STK11IP: variants seen among roughly 807,000 people sequenced by gnomAD.
STK11IP encodes serine/threonine kinase 11 interacting protein, also known as serine/threonine-protein kinase 11-interacting protein.
In STK11IP, 103 loss-of-function variants were observed where a neutral mutation model predicts 131.7. That is an observed-to-expected ratio of 0.78 (90% confidence interval 0.67 to 0.92). The LOEUF is 0.92. STK11IP is among the 40% of genes least tolerant of loss of function. STK11IP has a pLI of 0.00. For missense variants in STK11IP, 1,315 were observed against 1,385.7 expected, an observed-to-expected ratio of 0.95 and a Z score of 0.81; for synonymous variants, 557 against 575.6, an observed-to-expected ratio of 0.97 and a Z score of 0.46.
rs1346901490 is a variant in STK11IP at position 219,615,136 on chromosome 2, C to T, written c.2912C>T (p.Thr971Ile). The stretch of plus-strand genomic sequence containing the variant: ...GTATCCCTGTTGCTGACTCCGTCCA[C>T]CCTGTTCCTGTTAGATGAGGATGCT... ...CLVSLLLTPS[T>I]LFLLDEDAAG... Residue 971 changes from threonine to isoleucine, a missense_variant, in exon 24 of 25, where the codon ACC (threonine) becomes ATC (isoleucine). Physicochemically the swap from Thr to Ile is moderately conservative, Grantham distance 89. Transcript: ENST00000456909. The T allele has an allele frequency of 3.1e-6, 5 of 1,609,038 alleles. No individual in the cohort carries two copies. Among genetic ancestry groups the T allele is most frequent in the Non-Finnish European group, 4.2e-6 (5 of 1,178,992 alleles).
At chr2:219,607,193 T>A (rs1698199369) in intron 13 of STK11IP, 56 bp downstream of exon 13, 1 of 1,548,794 alleles carries the variant, frequency 6.5e-7, no homozygotes, top group East Asian at 2.3e-5. Flanking sequence ...CACTCTAATT[T>A]TTAAGTTACA....
chr2:219,600,929 T>C (rs1697964136), intron 2 of STK11IP, among the ~76,000 whole-genome samples: 1 of 152,218 alleles, frequency 6.6e-6, no homozygotes, highest in African/African-American at 2.4e-5. Context: ...CCAAGCTGGC[T>C]GTATTTCCAG....
intron 2 of STK11IP, among the ~76,000 whole-genome samples, chr2:219,599,590 G>A (rs980004995): frequency 6.6e-6 from 1 of 152,198 alleles, no homozygotes; most frequent in African/African-American, 2.4e-5. Context: ...TGAATGGTGG[G>A]TGTGTGAATG....
Position 219,597,862 on chromosome 2 carries a change from CT to C in STK11IP, c.-85del, listed in dbSNP as rs557134712. 1.3e-4 allele frequency: 207 copies of C among 1,594,134 alleles called. 8 individuals are homozygous for C. The South Asian group carries it at 1.9e-3, about 15-fold the overall frequency. On this transcript the variant is annotated 5_prime_UTR_variant, in exon 1 of 25. Transcript: ENST00000456909. ...CGATTTTCTTCCGGGGCGGGACTTCCTTTCCATCATTGATAGGCGCCGGGCA... is the reference window on the plus strand; with the variant it reads ...CGATTTTCTTCCGGGGCGGGACTTCCTTCCATCATTGATAGGCGCCGGGCA...
chr2:219,615,992 A>C, intron 24 of STK11IP, 52 bp from the exon 25 acceptor site: 3 of 1,599,002 alleles, frequency 1.9e-6, no homozygotes, highest in Non-Finnish European at 2.6e-6. Flanking sequence ...CCTTGTACCC[A>C]CCCTGGTGTG....
chr2:219,614,559 T>C lies in STK11IP; in HGVS notation c.2869+13T>C. Reference sequence around the variant, plus strand: ...TTCCTGGTTGAAGGTGAAGCCTCTGTGCAGCTGATGCTTCCCTGGTCTCTG... The same window carrying C: ...TTCCTGGTTGAAGGTGAAGCCTCTGCGCAGCTGATGCTTCCCTGGTCTCTG... On this transcript the variant is annotated intron_variant, in intron 23 of 24. Coordinates refer to ENST00000456909, the MANE Select transcript of STK11IP (RefSeq NM_052902.4). The C allele has an allele frequency of 3.1e-6, 5 of 1,613,410 alleles. No homozygotes were observed. The highest frequency in any genetic ancestry group is 4.2e-6 in the Non-Finnish European group (5 of 1,179,534).
intron 17 of STK11IP, among the ~76,000 whole-genome samples, chr2:219,611,094 C>A (rs1173302889): frequency 2.0e-5 from 3 of 152,146 alleles, no homozygotes; most frequent in East Asian, 3.9e-4. Context: ...AAGATAGATG[C>A]TATTGTCATC....
intron 2 of STK11IP, among the ~76,000 whole-genome samples, 183 bp from the exon 3 acceptor site, chr2:219,601,052 T>C (rs138676280): frequency 6.6e-6 from 1 of 152,220 alleles, no homozygotes; most frequent in African/African-American, 2.4e-5. Flanking sequence ...GTTAGGACTT[T>C]TTTTGAAGAT....
chr2:219,612,202 C>T (rs568006935), intron 19 of STK11IP, 144 bp downstream of exon 19: 3 of 712,104 alleles, frequency 4.2e-6, no homozygotes, highest in East Asian at 5.5e-5. Flanking sequence ...GCTGTGTGGC[C>T]GTGGACACAT....
At position 219,601,447 on chromosome 2, in the gene STK11IP, GGT is replaced by G; in HGVS notation, c.267+11_267+12del. ...GAAAACACTTTCACTCAAGGTTCTG[GGT>G]GTGGGGAAGAGGCAGGATGTGCAAG... On this transcript the variant is annotated splice_region_variant and intron_variant, in intron 3 of 24. Coordinates refer to ENST00000456909, the MANE Select transcript of STK11IP (RefSeq NM_052902.4). 2 of 1,613,940 alleles carry G rather than the reference GGT, an allele frequency of 1.2e-6. No individual in the cohort carries two copies. Among genetic ancestry groups the G allele is most frequent in the Non-Finnish European group, 1.7e-6 (2 of 1,179,856 alleles).
Position 219,614,960 on chromosome 2 carries a change from C to T in STK11IP, c.2870-134C>T, listed in dbSNP as rs1574634207. On this transcript the variant is annotated intron_variant, in intron 23 of 24. Coordinates refer to ENST00000456909, the MANE Select transcript of STK11IP (RefSeq NM_052902.4). ...CTTGGGAAAGGGAGGGTCTTGGCCC[C>T]AGGGGCACAGGCTGCTTTGTGACCC... is the stretch of plus-strand genomic sequence containing the variant. 6.3e-6 allele frequency: 7 copies of T among 1,112,690 alleles called. No homozygotes were observed. In the East Asian group the frequency reaches 1.8e-4, roughly 29 times the overall value. The allele number at this position is 1,112,690 out of a possible 1,614,324, so 68.9% of individuals were successfully genotyped here. A position where few individuals can be genotyped will look rare whatever the true frequency, so the allele number is the denominator to read the frequency against.
chr2:219,601,847 A>G, intron 4 of STK11IP, 132 bp downstream of exon 4: 1 of 1,242,998 alleles, frequency 8.0e-7, no homozygotes, highest in Middle Eastern at 2.0e-4. Flanking sequence ...GTCATGTGAT[A>G]TCCACTGTCT....
chr2:219,602,100 G>T lies in STK11IP; in HGVS notation c.438+17G>T. 6.4e-7 allele frequency: 1 copy of T among 1,567,044 alleles called. No individual in the cohort carries two copies. The highest frequency in any genetic ancestry group is 8.7e-7 in the Non-Finnish European group (1 of 1,149,274). ...GCATTAGAGGTAAGGAGAGTGAGGG[G>T]TGAGCTCAGACACCTCAACTTGAGA... On this transcript the variant is annotated intron_variant, in intron 5 of 24. Transcript: ENST00000456909.
intron 7 of STK11IP, among the ~76,000 whole-genome samples, chr2:219,605,076 CT>C (rs1029605281): frequency 2.6e-5 from 4 of 152,210 alleles, no homozygotes; most frequent in Non-Finnish European, 4.4e-5. Context: ...GTGATCCCCC[CT>C]CTTTGGCCTC....
In STK11IP at chr2:219,609,155, C is replaced by G; in HGVS notation, c.1868C>G (p.Pro623Arg). 6.2e-7 allele frequency: 1 copy of G among 1,610,838 alleles called. No individual in the cohort carries two copies. Among genetic ancestry groups the G allele is most frequent in the South Asian group, 1.1e-5 (1 of 90,122 alleles). Residue 623 changes from proline (P) to arginine (R), a missense_variant, in exon 16 of 25, where the codon CCT (proline) becomes CGT (arginine). Physicochemically the swap from Pro to Arg is moderately radical, Grantham distance 103. Transcript: ENST00000456909. ...ILSLRFSYIC[P>R]DRQLRRYLVL... is the part of the protein sequence containing the mutation. The stretch of plus-strand genomic sequence containing the variant: ...AGTCTGCGCTTCTCCTACATCTGCC[C>G]TGACCGGCAGTTGCGTCGCTATTTG...
At chr2:219,610,537 G>A (rs561090281) in intron 17 of STK11IP, among the ~76,000 whole-genome samples, 1 of 152,234 alleles carries the variant, frequency 6.6e-6, no homozygotes, top group Non-Finnish European at 1.5e-5. Flanking sequence ...CAAGTAGCTG[G>A]GACTACAGGC....
At position 219,602,572 on chromosome 2, in the gene STK11IP, C is replaced by T; in HGVS notation, c.543C>T (p.Ser181=). The change falls in exon 6 of 25, where the codon TCC becomes TCT. Residue 181 remains serine, a synonymous_variant. Transcript: ENST00000456909. ...ATGCACTGACCGCCTTAGACAGCTC[C>T]CTGGTGAGTGCCTCAGAGGGAAGAG... The part of the protein sequence containing the change: ...SYNALTALDS[S]LRLLSALRFL... 1 of 1,613,942 alleles carries T rather than the reference C, an allele frequency of 6.2e-7. No individual in the cohort carries two copies. Among genetic ancestry groups the T allele is most frequent in the Non-Finnish European group, 8.5e-7 (1 of 1,179,810 alleles).
chr2:219,602,000 C>G lies in STK11IP; in HGVS notation c.355C>G (p.Pro119Ala). Residue 119 changes from proline (P) to alanine (A), a missense_variant, in exon 5 of 25, where the codon CCC becomes GCC. Pro to Ala is a conservative substitution (Grantham distance 27). Coordinates refer to ENST00000456909, the MANE Select transcript of STK11IP (RefSeq NM_052902.4). ...TTCCTTGTCCCAGCTCCGAGGTGTTCCCCTCCACTGTCTGCATGGCCTCCG... is the reference window on the plus strand; with the variant it reads ...TTCCTTGTCCCAGCTCCGAGGTGTTGCCCTCCACTGTCTGCATGGCCTCCG... The part of the protein sequence containing the change: ...SLRHLELRGV[P>A]LHCLHGLRGI... 1 of 1,611,124 alleles carries G rather than the reference C, an allele frequency of 6.2e-7. No individual in the cohort carries two copies.
At position 219,608,627 on chromosome 2, in the gene STK11IP, G is replaced by C. The variant is rs1260309533; in HGVS notation, c.1648G>C (p.Glu550Gln). 15 of 1,612,294 alleles carry C rather than the reference G, an allele frequency of 9.3e-6. No individual in the cohort carries two copies. Among genetic ancestry groups the C allele is most frequent in the Non-Finnish European group, 1.3e-5 (15 of 1,179,032 alleles). ...GTTGGTGTGTCCCCTGGAGGGGCCT[G>C]AGGGCGTACGGGGCAGGGAATGCTT... ...PLLVCPLEGP[E>Q]GVRGRECFLR... Residue 550 changes from glutamate (E) to glutamine (Q), a missense_variant, in exon 15 of 25, where the codon GAG becomes CAG. By Grantham distance (29) the Glu-to-Gln change is conservative. Transcript: ENST00000456909.
Sources: gnomAD v4.1 joint callset for allele counts (sites outside exome capture counted in the v4.1 genomes callset) on GRCh38, gnomAD v4.1.1 for gene constraint, MANE v1.5 for transcripts, NCBI Gene and HGNC (gene_info 2026-07-23, HGNC 2026-07-21) for gene names.